The following NCKAP1 variants were observed in gnomAD, a reference collection of about 807,000 sequenced individuals.
NCKAP1 encodes the protein NCK associated protein 1.
A neutral mutation model predicts 151.2 loss-of-function variants in NCKAP1; 21 were observed. The ratio of observed to expected loss-of-function variants is 0.14; its 90% CI spans 0.10 to 0.20. The LOEUF (loss-of-function observed/expected upper bound fraction) is 0.20. Among genes scored for constraint, NCKAP1 ranks in the 10% least tolerant of loss-of-function variants. NCKAP1 has a pLI of 1.00. For synonymous variants in NCKAP1, 484 were observed against 451.8 expected, an observed-to-expected ratio of 1.07 and a Z score of -0.90; for missense variants, 933 against 1,352.1, an observed-to-expected ratio of 0.69 and a Z score of 4.86.
intron 24 of NCKAP1, among the ~76,000 whole-genome samples, chr2:182,940,732 C>A (rs1288980578): frequency 6.6e-6 from 1 of 152,212 alleles, no homozygotes; most frequent in Non-Finnish European, 1.5e-5. Flanking sequence ...GGCCACCACA[C>A]CCAGCCCCAA....
chr2:182,967,172 T>C, intron 16 of NCKAP1, 44 bp downstream of exon 16: 21 of 1,539,650 alleles, frequency 1.4e-5, no homozygotes, highest in Non-Finnish European at 1.9e-5. Context: ...ATATATCGCA[T>C]ACTAAAACTT....
chr2:183,002,807 T>TA (rs1698398863), intron 4 of NCKAP1, among the ~76,000 whole-genome samples, 167 bp downstream of exon 4: 1 of 151,820 alleles, frequency 6.6e-6, no homozygotes, highest in Admixed American at 6.6e-5. Context: ...TCAAAACAAA[T>TA]AAAAAGAATA....
chr2:182,945,814 A>T (rs1002113860), intron 23 of NCKAP1, among the ~76,000 whole-genome samples: 4 of 152,204 alleles, frequency 2.6e-5, no homozygotes, highest in Non-Finnish European at 4.4e-5. Flanking sequence ...TATATACCCA[A>T]AGGAATATAA....
intron 2 of NCKAP1, among the ~76,000 whole-genome samples, chr2:183,009,555 T>C (rs1698552631): frequency 6.6e-6 from 1 of 152,254 alleles, no homozygotes; most frequent in Non-Finnish European, 1.5e-5. Flanking sequence ...ACTGAATTAC[T>C]GAGTGTTTAA....
At chr2:182,939,427 G>A (rs2105808801) in intron 24 of NCKAP1, among the ~76,000 whole-genome samples, 1 of 152,230 alleles carries the variant, frequency 6.6e-6, no homozygotes, top group African/African-American at 2.4e-5. Flanking sequence ...TACTTGGGAG[G>A]CTGATGCAGG....
chr2:183,004,319 A>T lies in NCKAP1; in HGVS notation c.220-994T>A, dbSNP rs1698426290. ...TGCTATCAAAGCCCATACAATGCTG[A>T]GGCCTCCATATAGTTCTGAATTACA... On this transcript the variant is annotated intron_variant, in intron 2 of 30. Coordinates refer to ENST00000361354, the MANE Select transcript of NCKAP1 (RefSeq NM_013436.5). 2.0e-5 allele frequency among the ~76,000 whole-genome samples: 3 copies of T among 152,164 alleles called. No individual in the cohort carries two copies. The South Asian group carries it at 6.2e-4, about 31-fold the overall frequency.
intron 16 of NCKAP1, among the ~76,000 whole-genome samples, chr2:182,966,317 A>C (rs1697568588): frequency 6.6e-6 from 1 of 151,640 alleles, no homozygotes; most frequent in Non-Finnish European, 1.5e-5. Flanking sequence ...AGACAGTCTC[A>C]CTCTGTCACC....
chr2:183,002,264 T>A lies in NCKAP1; in HGVS notation c.375A>T (p.Val125=). Residue 125 remains valine (V), a synonymous_variant, in exon 5 of 31, where the codon GTA becomes GTT. Transcript: ENST00000361354. ...AGTAGTTCTTTGTTAAATCAAAGTTTACAGTCTAGGAGAAAAAAAAATCAA... is the reference window on the plus strand; with the variant it reads ...AGTAGTTCTTTGTTAAATCAAAGTTAACAGTCTAGGAGAAAAAAAAATCAA... ...DVCQVFFDIT[V]NFDLTKNYLD... is the part of the protein sequence containing the mutation. 6.5e-7 allele frequency: 1 copy of A among 1,529,234 alleles called. No individual in the cohort carries two copies. Among genetic ancestry groups the A allele is most frequent in the South Asian group, 1.2e-5 (1 of 84,916 alleles). 94.7% of individuals were successfully genotyped at this position (1,529,234 alleles called of 1,614,324 possible). A position where few individuals can be genotyped will look rare whatever the true frequency, so the allele number is the denominator to read the frequency against.
Position 182,913,749 on chromosome 2 carries a change from G to GA in NCKAP1, c.*11952dup, listed in dbSNP as rs1478169186. ...ATAATCTAGTCAAATTAATTAAAAT[G>GA]AAAAAAGAGTCTACTTCCTAATTCT... On this transcript the variant is annotated 3_prime_UTR_variant, in exon 31 of 31. Transcript: ENST00000361354. 1 of 151,922 alleles carries GA rather than the reference G, an allele frequency of 6.6e-6. No individual in the cohort carries two copies. The allele number at this position is 151,922 out of a possible 1,614,324, so 9.4% of individuals were successfully genotyped here.
At chr2:182,996,553 G>C (rs1698273676) in intron 6 of NCKAP1, among the ~76,000 whole-genome samples, 1 of 152,086 alleles carries the variant, frequency 6.6e-6, no homozygotes, top group Admixed American at 6.6e-5. Context: ...CGCCTCCCAG[G>C]TTCACGCCAT....
chr2:182,962,129 C>A, intron 18 of NCKAP1, 30 bp downstream of exon 18: 1 of 1,540,196 alleles, frequency 6.5e-7, no homozygotes, highest in South Asian at 1.3e-5. Context: ...CACAAAATTT[C>A]CTATCTGTTG....
At position 183,007,382 on chromosome 2, in the gene NCKAP1, TTAA is replaced by T. The variant is rs1698496940; in HGVS notation, c.220-4060_220-4058del. 2.6e-5 allele frequency among the ~76,000 whole-genome samples: 4 copies of T among 152,188 alleles called. No individual in the cohort carries two copies. The South Asian group carries it at 8.3e-4, about 31-fold the overall frequency. ...TCTTCATACTGAAAAATCCTGGTAATTAATCTTTGTTCAATTAAGAAGCATTTT... is the reference window on the plus strand; with the variant it reads ...TCTTCATACTGAAAAATCCTGGTAATTCTTTGTTCAATTAAGAAGCATTTT... On this transcript the variant is annotated intron_variant, in intron 2 of 30. Coordinates refer to ENST00000361354, the MANE Select transcript of NCKAP1 (RefSeq NM_013436.5).
intron 1 of NCKAP1, among the ~76,000 whole-genome samples, chr2:183,031,721 T>C (rs930739744): frequency 6.6e-6 from 1 of 152,202 alleles, no homozygotes; most frequent in African/African-American, 2.4e-5. Flanking sequence ...CATTTAATTC[T>C]CCTCTTAACC....
Position 182,925,553 on chromosome 2 carries a change from T to G in NCKAP1, c.*149A>C. ...CAAGTATACTGTAGTACAACCATATTAAGAAACCAATGATCAGAAAATACA... is the reference window on the plus strand; with the variant it reads ...CAAGTATACTGTAGTACAACCATATGAAGAAACCAATGATCAGAAAATACA... On this transcript the variant is annotated 3_prime_UTR_variant, in exon 31 of 31. Transcript: ENST00000361354. The G allele has an allele frequency of 2.2e-6, 1 of 456,560 alleles. No homozygotes were observed. The highest frequency in any genetic ancestry group is 5.6e-4 in the Middle Eastern group (1 of 1,770). 28.3% of individuals were successfully genotyped at this position (456,560 alleles called of 1,614,324 possible). A position where few individuals can be genotyped will look rare whatever the true frequency, so the allele number is the denominator to read the frequency against.
At chr2:183,018,373 T>C (rs1698734923) in intron 2 of NCKAP1, among the ~76,000 whole-genome samples, 1 of 152,226 alleles carries the variant, frequency 6.6e-6, no homozygotes, top group Non-Finnish European at 1.5e-5. Flanking sequence ...GTCCATCCTC[T>C]TAACCAGTAT....
intron 8 of NCKAP1, among the ~76,000 whole-genome samples, chr2:182,991,290 G>A (rs1381907847): frequency 6.6e-6 from 1 of 152,162 alleles, no homozygotes; most frequent in Non-Finnish European, 1.5e-5. Flanking sequence ...GGGCATGATG[G>A]CTCACACCTG....
intron 15 of NCKAP1, among the ~76,000 whole-genome samples, chr2:182,976,086 A>G (rs1209512514): frequency 2.0e-5 from 3 of 152,190 alleles, no homozygotes; most frequent in Non-Finnish European, 4.4e-5. Context: ...TGACTTCACA[A>G]TGAGTCAAAT....
Position 182,914,216 on chromosome 2 carries a change from T to C in NCKAP1, c.*11486A>G, listed in dbSNP as rs903659433. 1 of 152,248 alleles carries C rather than the reference T, an allele frequency of 6.6e-6. No individual in the cohort carries two copies. The highest frequency in any genetic ancestry group is 2.4e-5 in the African/African-American group (1 of 41,470). The allele number at this position is 152,248 out of a possible 1,614,324, so 9.4% of individuals were successfully genotyped here. A position where few individuals can be genotyped will look rare whatever the true frequency, so the allele number is the denominator to read the frequency against. Reference sequence around the variant, plus strand: ...AGCTTTGTTTTGTATTTTATCATTCTGTCCTCAGTATCTAGCACATAGTAG... The same window carrying C: ...AGCTTTGTTTTGTATTTTATCATTCCGTCCTCAGTATCTAGCACATAGTAG... On this transcript the variant is annotated 3_prime_UTR_variant, in exon 31 of 31. Transcript: ENST00000361354.
intron 6 of NCKAP1, among the ~76,000 whole-genome samples, chr2:182,997,236 G>C (rs1307762995): frequency 6.6e-6 from 1 of 152,030 alleles, no homozygotes; most frequent in African/African-American, 2.4e-5. Flanking sequence ...TATGGTTTTT[G>C]GGTCTCAATT....
Sources: gnomAD v4.1 joint callset for allele counts (sites outside exome capture counted in the v4.1 genomes callset) on GRCh38, gnomAD v4.1.1 for gene constraint, MANE v1.5 for transcripts, NCBI Gene and HGNC (gene_info 2026-07-23, HGNC 2026-07-21) for gene names.